The following RIMS2 variants were observed in gnomAD, a reference collection of about 807,000 sequenced individuals.
RIMS2 encodes regulating synaptic membrane exocytosis 2, also known as regulating synaptic membrane exocytosis protein 2.
A neutral mutation model predicts 174.4 loss-of-function variants in RIMS2; 59 were observed. The ratio of observed to expected loss-of-function variants is 0.34; its 90% confidence interval spans 0.27 to 0.42. The LOEUF is 0.42. RIMS2 is among the 10% of genes least tolerant of loss of function. The probability of loss-of-function intolerance (pLI) is 1.00; values close to 1 mark genes in which losing one functional copy is unlikely to be tolerated. For missense variants in RIMS2, 1,620 were observed against 1,666.3 expected, an observed-to-expected ratio of 0.97 and a Z score of 0.48; for synonymous variants, 606 against 572.5, an observed-to-expected ratio of 1.06 and a Z score of -0.84.
At chr8:103,837,942 T>C (rs1224610547) in intron 3 of RIMS2, among the ~76,000 whole-genome samples, 34 of 50,442 alleles carry the variant, frequency 6.7e-4, no homozygotes, top group Non-Finnish European at 1.1e-3. Flanking sequence ...TTCTTTCTCT[T>C]TTTTTTTTTT....
intron 3 of RIMS2, among the ~76,000 whole-genome samples, chr8:103,841,188 A>G (rs984775930): frequency 6.6e-6 from 1 of 152,202 alleles, no homozygotes; most frequent in Non-Finnish European, 1.5e-5. Context: ...ACAATTAATT[A>G]GTACCATGTG....
At chr8:103,614,458 C>T (rs908223523) in intron 1 of RIMS2, among the ~76,000 whole-genome samples, 1 of 152,270 alleles carries the variant, frequency 6.6e-6, no homozygotes, top group Non-Finnish European at 1.5e-5. Context: ...TGATCCTTCT[C>T]ATGCCCCTTT....
intron 19 of RIMS2, among the ~76,000 whole-genome samples, chr8:104,180,649 T>C (rs2098934403): frequency 6.6e-6 from 1 of 151,758 alleles, no homozygotes; most frequent in South Asian, 2.1e-4. Context: ...TGTTGCTTTG[T>C]AGTTCTTTGA....
At chr8:103,842,000 T>C (rs1453786032) in intron 3 of RIMS2, among the ~76,000 whole-genome samples, 3 of 152,092 alleles carry the variant, frequency 2.0e-5, no homozygotes, top group Non-Finnish European at 2.9e-5. Flanking sequence ...TAGATAGCTT[T>C]ATGTCTTACA....
intron 4 of RIMS2, among the ~76,000 whole-genome samples, chr8:103,902,187 A>G (rs559343014): frequency 4.9e-4 from 74 of 152,288 alleles, no homozygotes; most frequent in African/African-American, 1.8e-3. Context: ...GGCTGTTAGT[A>G]GTTCCTAGAA....
chr8:104,231,123 C>G (rs2099225644), intron 19 of RIMS2, among the ~76,000 whole-genome samples: 1 of 152,142 alleles, frequency 6.6e-6, no homozygotes, highest in African/African-American at 2.4e-5. Flanking sequence ...CTCGTTGTCA[C>G]CTTGGTAGTT....
At chr8:103,994,022 G>A (rs1193084296) in intron 17 of RIMS2, among the ~76,000 whole-genome samples, 1 of 140,072 alleles carries the variant, frequency 7.1e-6, no homozygotes, top group Non-Finnish European at 1.5e-5. Context: ...CTGCAGTCCA[G>A]CCAGGGTGAC....
intron 19 of RIMS2, among the ~76,000 whole-genome samples, chr8:104,147,906 G>T (rs1162425043): frequency 2.0e-5 from 3 of 152,138 alleles, no homozygotes; most frequent in African/African-American, 7.2e-5. Context: ...GTGATTCATC[G>T]ATTGCTTTCT....
chr8:103,541,625 G>A (rs1243042700), intron 1 of RIMS2, among the ~76,000 whole-genome samples: 2 of 152,188 alleles, frequency 1.3e-5, no homozygotes, highest in South Asian at 2.1e-4. Flanking sequence ...AAAACTCACT[G>A]GTAAAAGTAA....
chr8:103,814,562 G>T (rs1370332141), intron 3 of RIMS2, among the ~76,000 whole-genome samples: 1 of 152,098 alleles, frequency 6.6e-6, no homozygotes, highest in African/African-American at 2.4e-5. Flanking sequence ...AATTATTACA[G>T]AATTTTAGGA....
chr8:104,234,118 A>G (rs1390265120), intron 19 of RIMS2, among the ~76,000 whole-genome samples: 3 of 152,142 alleles, frequency 2.0e-5, no homozygotes, highest in Admixed American at 2.0e-4. Flanking sequence ...TATTTATTAA[A>G]CACCACTACG....
At chr8:103,532,003 A>G (rs1837414352) in intron 1 of RIMS2, among the ~76,000 whole-genome samples, 1 of 152,254 alleles carries the variant, frequency 6.6e-6, no homozygotes, top group Non-Finnish European at 1.5e-5. Context: ...TATATGCAAT[A>G]AAGTAGAATA....
At position 103,911,367 on chromosome 8, in the gene RIMS2, A is replaced by G. The variant is rs1565260420; in HGVS notation, c.1693-686A>G. Among the ~76,000 whole-genome samples, 5 of 152,198 alleles carry G rather than the reference A, an allele frequency of 3.3e-5. No homozygotes were observed. In the South Asian group the frequency reaches 1.0e-3, roughly 31 times the overall value. ...AATGAATATCATTGAATTATCTAGT[A>G]AAGGTAATTTACTAAATAGATCAAA... On this transcript the variant is annotated intron_variant, in intron 5 of 23. Transcript: ENST00000504942.
chr8:103,783,750 C>A (rs1327355540), intron 3 of RIMS2, among the ~76,000 whole-genome samples: 1 of 151,124 alleles, frequency 6.6e-6, no homozygotes, highest in Non-Finnish European at 1.5e-5. Context: ...GTCTTTATAG[C>A]AGCATGATTT....
At chr8:104,086,459 G>A (rs1484526324) in intron 19 of RIMS2, among the ~76,000 whole-genome samples, 3 of 151,868 alleles carry the variant, frequency 2.0e-5, no homozygotes, top group South Asian at 2.1e-4. Context: ...CTGAGAAATC[G>A]ATAGAAGTAA....
intron 18 of RIMS2, 75 bp downstream of exon 20, chr8:104,013,696 T>A: frequency 8.5e-7 from 1 of 1,178,494 alleles, no homozygotes. Flanking sequence ...AACAGTTAAC[T>A]GGTCTCTTCT....
chr8:103,685,618 T>C (rs1258522689), intron 1 of RIMS2, among the ~76,000 whole-genome samples: 1 of 152,204 alleles, frequency 6.6e-6, no homozygotes, highest in African/African-American at 2.4e-5. Flanking sequence ...TCAGCTCCTT[T>C]GTAAAAAATG....
intron 14 of RIMS2, among the ~76,000 whole-genome samples, chr8:103,953,286 A>G (rs562189618): frequency 3.1e-4 from 47 of 152,298 alleles, no homozygotes; most frequent in African/African-American, 1.1e-3. Context: ...AGCAACCCCA[A>G]GGCACATAAT....
At chr8:103,748,028 G>A (rs779063428) in intron 2 of RIMS2, among the ~76,000 whole-genome samples, 11 of 152,132 alleles carry the variant, frequency 7.2e-5, no homozygotes, top group Admixed American at 2.0e-4. Flanking sequence ...CTTTTTAGCA[G>A]TACAGGAGAA....
Sources: allele counts gnomAD v4.1 joint callset (sites outside exome capture counted in the v4.1 genomes callset), GRCh38; gene constraint gnomAD v4.1.1; transcripts MANE v1.5; gene names NCBI Gene and HGNC (gene_info 2026-07-23, HGNC 2026-07-21).